Variants in LATS1 observed in about 807,000 individuals in gnomAD.
The protein encoded by LATS1 is serine/threonine-protein kinase LATS1.
LATS1 carries 25 observed loss-of-function variants against 106.6 expected under a neutral mutation model. That is an observed-to-expected ratio of 0.23 (90% CI 0.17 to 0.33). The LOEUF is 0.33. LATS1 is among the 10% of genes least tolerant of loss of function. LATS1 has a pLI of 1.00. For missense variants in LATS1, 1,040 were observed against 1,382.6 expected (o/e 0.75, Z 3.93); for synonymous variants, 465 against 455.6 (o/e 1.02, Z -0.26).
Position 149,699,486 on chromosome 6 carries a change from AT to A in LATS1, c.348+2292del, listed in dbSNP as rs1249726839. Among the ~76,000 whole-genome samples, 79 of 152,100 alleles carry A rather than the reference AT, an allele frequency of 5.2e-4. 1 individual carries two copies. Among genetic ancestry groups the A allele is most frequent in the African/African-American group, 1.5e-3 (64 of 41,544 alleles). On this transcript the variant is annotated intron_variant, in intron 2 of 7. Coordinates refer to ENST00000543571, the MANE Select transcript of LATS1 (RefSeq NM_004690.4). ...GTTTACTTTTTAATAAAAAAAAAAA[AT>A]AAAATAAATAAATAACACCATACTT...
At chr6:149,680,805 T>C (rs1781998587) in intron 4 of LATS1, among the ~76,000 whole-genome samples, 1 of 150,870 alleles carries the variant, frequency 6.6e-6, no homozygotes, top group Admixed American at 6.6e-5. Context: ...TTAACATGCA[T>C]ATTCATTTAT....
At chr6:149,703,134 C>T (rs1453095480) in intron 1 of LATS1, among the ~76,000 whole-genome samples, 1 of 151,826 alleles carries the variant, frequency 6.6e-6, no homozygotes, top group Non-Finnish European at 1.5e-5. Context: ...CCACCACGCC[C>T]AGCTAATTTT....
In LATS1 at chr6:149,701,988, C is replaced by A; in HGVS notation, c.139G>T (p.Ala47Ser). Residue 47 changes from alanine (A) to serine (S), a missense_variant, in exon 2 of 8, where the codon GCT (alanine) becomes TCT (serine). Transcript: ENST00000543571. ...CTCATGTTATGCTCAGCCTTAGCAG[C>A]ATCAGATGGTTTAGATAAATTCCTA... ...SLRNLSKPSD[A>S]AKAEHNMSKM... 6.2e-7 allele frequency: 1 copy of A among 1,614,192 alleles called. No individual in the cohort carries two copies.
intron 2 of LATS1, among the ~76,000 whole-genome samples, chr6:149,695,812 T>C (rs77483537): frequency 0.012 from 1,795 of 152,280 alleles, 39 homozygotes; most frequent in African/African-American, 0.041. Flanking sequence ...TAAATTTTTA[T>C]TTTTTTCAAC....
intron 4 of LATS1, among the ~76,000 whole-genome samples, chr6:149,682,110 C>CA (rs371480554): frequency 0.45 from 53,710 of 120,654 alleles, 11,211 homozygotes; most frequent in East Asian, 0.82. Flanking sequence ...GATGTCGTCT[C>CA]AAAAAAAAAA....
At chr6:149,714,107 G>A (rs966088767) in intron 1 of LATS1, among the ~76,000 whole-genome samples, 3 of 151,450 alleles carry the variant, frequency 2.0e-5, no homozygotes, top group African/African-American at 7.3e-5. Flanking sequence ...GAGTAGCTGG[G>A]ACTACAGGTA....
intron 1 of LATS1, among the ~76,000 whole-genome samples, chr6:149,704,367 A>T (rs1263831000): frequency 6.6e-6 from 1 of 152,224 alleles, no homozygotes; most frequent in African/African-American, 2.4e-5. Context: ...TAAGCAAAAA[A>T]AGCAAATTCA....
chr6:149,660,961 T>G lies in LATS1; in HGVS notation c.*768A>C. ...TTTTAGTATTGAACATTTCGATTTA[T>G]GGCAGCTTTGTTCCCTTTTAAAATT... On this transcript the variant is annotated 3_prime_UTR_variant, in exon 8 of 8. Transcript: ENST00000543571. 1 of 215,032 alleles carries G rather than the reference T, an allele frequency of 4.7e-6. No individual in the cohort carries two copies. The allele number at this position is 215,032 out of a possible 1,614,324, so 13.3% of individuals were successfully genotyped here.
chr6:149,685,130 C>T (rs1461870926), intron 3 of LATS1, among the ~76,000 whole-genome samples: 4 of 151,720 alleles, frequency 2.6e-5, no homozygotes, highest in East Asian at 1.9e-4. Flanking sequence ...CCCAGCCACT[C>T]GGGAGGCTGA....
Position 149,693,611 on chromosome 6 carries a change from AAAACAAACAAACAAAC to A in LATS1, c.496+1447_496+1462del, listed in dbSNP as rs71554447. 4.0e-5 allele frequency among the ~76,000 whole-genome samples: 6 copies of A among 150,898 alleles called. No individual in the cohort carries two copies. The South Asian group carries it at 1.0e-3, about 26-fold the overall frequency. On this transcript the variant is annotated intron_variant, in intron 3 of 7. Transcript: ENST00000543571. Reference sequence around the variant, plus strand: ...GGTGACAGAGTGAGACTCCATCTCAAAAACAAACAAACAAACAAACAAACAAACAAACACCAAAACA... The same window carrying A: ...GGTGACAGAGTGAGACTCCATCTCAAAAACAAACAAACAAACACCAAAACA...
chr6:149,704,885 T>TACACACACAC (rs1491407237), intron 1 of LATS1, among the ~76,000 whole-genome samples: 26 of 64,048 alleles, frequency 4.1e-4, no homozygotes, highest in African/African-American at 1.6e-3. Flanking sequence ...AGAAATTAAT[T>TACACACACAC]ATACACACAC....
chr6:149,676,591 G>A lies in LATS1; in HGVS notation c.2740C>T (p.Pro914Ser). ...AACACTTCAGGTGCAATATAATTGG[G>A]AGTCCCAACCAAAGAATGTGCTAGA... ...RCLAHSLVGTPNYIAPEVLLR... is the reference protein window; with the variant it reads ...RCLAHSLVGTSNYIAPEVLLR... The change falls in exon 6 of 8, where the codon CCC becomes TCC. Residue 914 changes from proline (P) to serine (S), a missense_variant. By Grantham distance (74) the Pro-to-Ser change is moderately conservative (BLOSUM62 -1). Around this residue, in one of 7 missense-constraint regions of LATS1, gnomAD observed 23 missense variants for 56.9 expected, o/e 0.40. Transcript: ENST00000543571. 1.2e-6 allele frequency: 2 copies of A among 1,613,992 alleles called. No individual in the cohort carries two copies. The highest frequency in any genetic ancestry group is 1.7e-6 in the Non-Finnish European group (2 of 1,180,024).
intron 7 of LATS1, among the ~76,000 whole-genome samples, chr6:149,664,917 C>G (rs989570022): frequency 6.6e-6 from 1 of 152,064 alleles, no homozygotes; most frequent in African/African-American, 2.4e-5. Flanking sequence ...TTGGAAGAAG[C>G]TGAGCACAGA....
At chr6:149,709,292 A>G (rs1421699523) in intron 1 of LATS1, among the ~76,000 whole-genome samples, 1 of 152,186 alleles carries the variant, frequency 6.6e-6, no homozygotes, top group Non-Finnish European at 1.5e-5. Flanking sequence ...CTCTGTAGCA[A>G]TAAGATACCC....
chr6:149,688,559 C>T (rs1384969764), intron 3 of LATS1, among the ~76,000 whole-genome samples: 3 of 149,966 alleles, frequency 2.0e-5, no homozygotes, highest in South Asian at 2.1e-4. Context: ...CCGCCCACCT[C>T]GGCCTCCCAA....
chr6:149,666,612 A>T (rs1375032529), intron 7 of LATS1, among the ~76,000 whole-genome samples: 1 of 150,850 alleles, frequency 6.6e-6, no homozygotes, highest in Non-Finnish European at 1.5e-5. Flanking sequence ...CAACAGGGCA[A>T]GACTCTGTCT....
chr6:149,699,936 T>C (rs116419072), intron 2 of LATS1, among the ~76,000 whole-genome samples: 1 of 152,160 alleles, frequency 6.6e-6, no homozygotes, highest in Non-Finnish European at 1.5e-5. Flanking sequence ...AAGGAAAGAA[T>C]AAGATCAATA....
In LATS1 at chr6:149,661,836, G is replaced by A; in HGVS notation, c.3286C>T (p.Pro1096Ser). The change falls in exon 8 of 8, where the codon CCT becomes TCT. Residue 1096 changes from proline to serine, a missense_variant. This residue lies in a region of LATS1 where 46 missense variants were observed against 42.4 expected (regional missense o/e 1.09). Coordinates refer to ENST00000543571, the MANE Select transcript of LATS1 (RefSeq NM_004690.4). ...DNGYPYNYPKPIEYEYINSQG... is the reference protein window; with the variant it reads ...DNGYPYNYPKSIEYEYINSQG... ...GAATTAATGTATTCATATTCAATAG[G>A]CTTCGGATAATTATATGGGTAGCCA... is the stretch of plus-strand genomic sequence containing the variant. 1 of 1,613,722 alleles carries A rather than the reference G, an allele frequency of 6.2e-7. No individual in the cohort carries two copies. Among genetic ancestry groups the A allele is most frequent in the South Asian group, 1.1e-5 (1 of 91,030 alleles).
intron 4 of LATS1, among the ~76,000 whole-genome samples, chr6:149,681,981 G>A (rs1308725598): frequency 6.6e-6 from 1 of 152,008 alleles, no homozygotes; most frequent in Non-Finnish European, 1.5e-5. Flanking sequence ...GCGTGCTGAC[G>A]GGCGCTTGTA....
Sources: allele counts gnomAD v4.1 joint callset (sites outside exome capture counted in the v4.1 genomes callset), GRCh38; gene constraint gnomAD v4.1.1; regional missense constraint gnomAD v4.1.1; transcripts MANE v1.5; gene names NCBI Gene and HGNC (gene_info 2026-07-23, HGNC 2026-07-21).